The following SAFB2 variants were observed in gnomAD, a reference collection of about 807,000 sequenced individuals.
SAFB2 encodes the protein scaffold attachment factor B2.
A neutral mutation model predicts 100.6 loss-of-function variants in SAFB2; 32 were observed. The observed-to-expected ratio is 0.32, with a 90% confidence interval of 0.24 to 0.43. The LOEUF is 0.43. SAFB2 is among the 20% of genes least tolerant of loss of function. The pLI, the probability that SAFB2 is intolerant of heterozygous loss-of-function variation, is 1.00. For missense variants in SAFB2, 1,185 were observed against 1,163.4 expected, an observed-to-expected ratio of 1.02 and a Z score of -0.27; for synonymous variants, 500 against 439.4, an observed-to-expected ratio of 1.14 and a Z score of -1.72.
intron 4 of SAFB2, among the ~76,000 whole-genome samples, chr19:5,615,674 C>G (rs2053011484): frequency 6.6e-6 from 1 of 152,170 alleles, no homozygotes; most frequent in Non-Finnish European, 1.5e-5. Context: ...TGCACTCCAG[C>G]CTGCACAACA....
intron 2 of SAFB2, among the ~76,000 whole-genome samples, chr19:5,619,966 G>A (rs2053107508): frequency 6.6e-6 from 1 of 151,816 alleles, no homozygotes; most frequent in Non-Finnish European, 1.5e-5. Context: ...AAACTTTATT[G>A]TTAAGCAGTT....
intron 4 of SAFB2, among the ~76,000 whole-genome samples, chr19:5,614,115 G>A (rs1050926584): frequency 4.6e-5 from 7 of 152,074 alleles, no homozygotes; most frequent in Non-Finnish European, 7.4e-5. Context: ...CACCACGCCC[G>A]GCTAATTTTT....
At chr19:5,592,661 C>A in intron 16 of SAFB2, 86 bp downstream of exon 16, 1 of 1,490,894 alleles carries the variant, frequency 6.7e-7, no homozygotes, top group Admixed American at 1.7e-5. Context: ...CACACAGGAA[C>A]CCCTGCACTG....
chr19:5,609,318 T>C (rs2052852612), intron 9 of SAFB2, among the ~76,000 whole-genome samples: 2 of 149,658 alleles, frequency 1.3e-5, no homozygotes, highest in Admixed American at 1.3e-4. Context: ...TTTTTTTTTT[T>C]TTTATGACAT....
chr19:5,598,682 C>T (rs2052585954), intron 13 of SAFB2, 111 bp downstream of exon 13: 1 of 981,322 alleles, frequency 1.0e-6, no homozygotes, highest in East Asian at 2.5e-5. Flanking sequence ...GCGCCTCCTA[C>T]AAACTTCAAT....
At position 5,610,088 on chromosome 19, in the gene SAFB2, G is replaced by A. The variant is rs372082074; in HGVS notation, c.1203C>T (p.Val401=). The change falls in exon 9 of 21, where the codon GTC becomes GTT. Residue 401 remains valine (V), a synonymous_variant. Coordinates refer to ENST00000252542, the MANE Select transcript of SAFB2 (RefSeq NM_014649.3). The stretch of plus-strand genomic sequence containing the variant: ...ACAGGTTCCGACCAGAACCGCTGCC[G>A]ACCCGACCTGGCACGAGAGGGAGAT... ...KPIIKDEKGR[V]GSGSGRNLWV... The A allele has an allele frequency of 2.7e-5, 43 of 1,613,978 alleles. No homozygotes were observed. Among genetic ancestry groups the A allele is most frequent in the East Asian group, 6.7e-5 (3 of 44,876 alleles).
At chr19:5,608,641 G>A (rs1326846787) in intron 9 of SAFB2, among the ~76,000 whole-genome samples, 1 of 152,134 alleles carries the variant, frequency 6.6e-6, no homozygotes, top group Non-Finnish European at 1.5e-5. Flanking sequence ...TGTCAGACAG[G>A]GCCCACTCTG....
intron 16 of SAFB2, 85 bp from the exon 17 acceptor site, chr19:5,591,878 C>T: frequency 7.9e-7 from 1 of 1,266,004 alleles, no homozygotes; most frequent in South Asian, 1.2e-5. Flanking sequence ...GACTGGGATA[C>T]TTTTTCCATC....
chr19:5,597,370 A>G (rs141898180), intron 13 of SAFB2, among the ~76,000 whole-genome samples: 1 of 152,318 alleles, frequency 6.6e-6, no homozygotes, highest in East Asian at 1.9e-4. Flanking sequence ...TAAGCAACAA[A>G]GTGAGACACT....
intron 12 of SAFB2, 113 bp from the exon 13 acceptor site, chr19:5,598,997 G>A: frequency 1.1e-6 from 1 of 870,750 alleles, no homozygotes; most frequent in South Asian, 1.4e-5. Context: ...TGAGTCAAGT[G>A]ACTGACACTA....
chr19:5,619,657 T>C (rs566409144), intron 2 of SAFB2, among the ~76,000 whole-genome samples: 61 of 152,014 alleles, frequency 4.0e-4, no homozygotes, highest in Non-Finnish European at 7.5e-4. Context: ...CTGGCCAACA[T>C]GGATGGTGAA....
intron 6 of SAFB2, chr19:5,611,904 G>A (rs1469670846): frequency 3.5e-6 from 2 of 564,176 alleles, no homozygotes; most frequent in Non-Finnish European, 6.4e-6. Context: ...AGTCTTCTTC[G>A]AGTTTTTGTT....
At chr19:5,610,942 G>T (rs1390020887) in intron 7 of SAFB2, 178 bp downstream of exon 7, 1 of 628,330 alleles carries the variant, frequency 1.6e-6, no homozygotes, top group Non-Finnish European at 2.8e-6. Context: ...TTGAGAAAAA[G>T]AAAAGGAATT....
At chr19:5,598,735 G>C in intron 13 of SAFB2, 58 bp downstream of exon 13, 2 of 1,477,670 alleles carry the variant, frequency 1.4e-6, no homozygotes, top group Non-Finnish European at 1.9e-6. Context: ...CGGATCAAAC[G>C]GGCCGTGGAG....
rs140462507 is a variant in SAFB2 at position 5,587,492 on chromosome 19, C to T, written c.2706-93G>A. 1.3e-5 allele frequency: 19 copies of T among 1,492,938 alleles called. No individual in the cohort carries two copies. Among genetic ancestry groups the T allele is most frequent in the East Asian group, 7.5e-5 (3 of 40,198 alleles). The allele number at this position is 1,492,938 out of a possible 1,614,324, so 92.5% of individuals were successfully genotyped here. ...AGTAACGGTCCCGCAGCCTTTAGAG[C>T]GCTTGGGTTTTTTTTCCAGGTGAGA... On this transcript the variant is annotated intron_variant, in intron 20 of 20. Coordinates refer to ENST00000252542, the MANE Select transcript of SAFB2 (RefSeq NM_014649.3). This position sits in a 1 kb window ranked among gnomAD's most constrained non-coding sequence, Gnocchi z 4.9.
At chr19:5,618,567 G>A (rs1409756944) in intron 2 of SAFB2, among the ~76,000 whole-genome samples, 2 of 152,232 alleles carry the variant, frequency 1.3e-5, no homozygotes, top group African/African-American at 4.8e-5. Context: ...ATTTGGTTGA[G>A]CTCCAAAGCT....
At position 5,591,814 on chromosome 19, in the gene SAFB2, G is replaced by A. The variant is rs768782051; in HGVS notation, c.2349-21C>T. 1.3e-5 allele frequency: 21 copies of A among 1,613,490 alleles called. No individual in the cohort carries two copies. The East Asian group carries it at 1.8e-4, about 14-fold the overall frequency. ...CCCGCCTGCAAAAGGAAAAGATCCC[G>A]TTCAAACAGCACCAGGCACGACTAC... On this transcript the variant is annotated intron_variant, in intron 16 of 20. Transcript: ENST00000252542.
At position 5,611,525 on chromosome 19, in the gene SAFB2, A is replaced by G. The variant is rs1355354492; in HGVS notation, c.740T>C (p.Val247Ala). The change falls in exon 7 of 21, where the codon GTG becomes GCG. Residue 247 changes from valine (V) to alanine (A), a missense_variant. Val to Ala is a moderately conservative substitution (Grantham distance 64). This residue lies in a region of SAFB2 where 351 missense variants were observed against 341.2 expected (regional missense o/e 1.03). Transcript: ENST00000252542. ...CTCCGCAAGCTTTCTGTCTGGCCCC[A>G]CGCTACTTGTGTCCTGTGCAAATGG... ...EQPFAQDTSSVGPDRKLAEEE... is the reference protein window; with the variant it reads ...EQPFAQDTSSAGPDRKLAEEE... The G allele has an allele frequency of 8.8e-6, 4 of 453,662 alleles. No homozygotes were observed. The Admixed American group carries it at 1.9e-4, about 22-fold the overall frequency. The allele number at this position is 453,662 out of a possible 1,614,324, so 28.1% of individuals were successfully genotyped here. A position where few individuals can be genotyped will look rare whatever the true frequency, so the allele number is the denominator to read the frequency against.
chr19:5,616,308 G>C lies in SAFB2; in HGVS notation c.367C>G (p.Leu123Val). ...ATGTCCATCATGCCCATATTCTGCAGGTTCTCCAGACTTGCTTCCATGTCC... is the reference window on the plus strand; with the variant it reads ...ATGTCCATCATGCCCATATTCTGCACGTTCTCCAGACTTGCTTCCATGTCC... ...QEDMEASLEN[L>V]QNMGMMDMSV... Residue 123 changes from leucine to valine, a missense_variant, in exon 4 of 21, where the codon CTG becomes GTG. Leu to Val is a conservative substitution (Grantham distance 32). Transcript: ENST00000252542. 1 of 1,614,114 alleles carries C rather than the reference G, an allele frequency of 6.2e-7. No homozygotes were observed. Among genetic ancestry groups the C allele is most frequent in the Non-Finnish European group, 8.5e-7 (1 of 1,180,024 alleles).
Sources: allele counts gnomAD v4.1 joint callset (sites outside exome capture counted in the v4.1 genomes callset), GRCh38; gene constraint gnomAD v4.1.1; regional missense constraint gnomAD v4.1.1; non-coding constraint Gnocchi (gnomAD v3.1); transcripts MANE v1.5; gene names NCBI Gene and HGNC (gene_info 2026-07-23, HGNC 2026-07-21).